The following SGMS1 variants were observed in gnomAD, a reference collection of about 807,000 sequenced individuals.
SGMS1 encodes the protein sphingomyelin synthase 1, also known as phosphatidylcholine:ceramide cholinephosphotransferase 1.
A neutral mutation model predicts 46.2 loss-of-function variants in SGMS1; 13 were observed. That is an observed-to-expected ratio of 0.28 (90% CI 0.18 to 0.45). The LOEUF is 0.45. SGMS1 is among the 20% of genes least tolerant of loss of function. The pLI is 1.00. For synonymous variants in SGMS1, 203 were observed against 187.8 expected, an observed-to-expected ratio of 1.08 and a Z score of -0.66; for missense variants, 324 against 519.9, an observed-to-expected ratio of 0.62 and a Z score of 3.66.
chr10:50,485,527 A>C (rs575565072), intron 3 of SGMS1, among the ~76,000 whole-genome samples: 28 of 152,342 alleles, frequency 1.8e-4, no homozygotes, highest in Non-Finnish European at 2.9e-4. Flanking sequence ...GACATTCTTC[A>C]CAGAATTAGG....
At chr10:50,614,931 G>A (rs1325479740) in intron 1 of SGMS1, among the ~76,000 whole-genome samples, 4 of 152,202 alleles carry the variant, frequency 2.6e-5, no homozygotes, top group African/African-American at 9.7e-5. Context: ...TTGGGTCAAG[G>A]ACTTAGAAAG....
intron 6 of SGMS1, among the ~76,000 whole-genome samples, chr10:50,429,179 C>T (rs1849367528): frequency 6.6e-6 from 1 of 152,148 alleles, no homozygotes; most frequent in Non-Finnish European, 1.5e-5. Context: ...CACACAAGCA[C>T]AGACAGGTAT....
intron 6 of SGMS1, among the ~76,000 whole-genome samples, chr10:50,353,703 C>T (rs990746382): frequency 1.6e-4 from 25 of 152,260 alleles, no homozygotes; most frequent in African/African-American, 5.3e-4. Context: ...TCGTCTCAGC[C>T]CAAAATCTCC....
chr10:50,575,887 A>C (rs1838380665), intron 2 of SGMS1, among the ~76,000 whole-genome samples: 1 of 151,930 alleles, frequency 6.6e-6, no homozygotes, highest in Admixed American at 6.6e-5. Context: ...GAAATAAAGG[A>C]AAGAAGTATA....
intron 8 of SGMS1, among the ~76,000 whole-genome samples, chr10:50,317,426 A>G (rs1275454363): frequency 6.6e-6 from 1 of 152,122 alleles, no homozygotes; most frequent in African/African-American, 2.4e-5. Flanking sequence ...CGTAGTTGTT[A>G]CTATGCCCAT....
intron 1 of SGMS1, among the ~76,000 whole-genome samples, chr10:50,591,879 A>C (rs1056577689): frequency 2.6e-5 from 4 of 152,258 alleles, no homozygotes; most frequent in African/African-American, 7.2e-5. Context: ...GCTAATCACC[A>C]GAATTCTGTA....
chr10:50,368,778 A>T (rs560395949), intron 6 of SGMS1, among the ~76,000 whole-genome samples: 1 of 152,266 alleles, frequency 6.6e-6, no homozygotes, highest in Non-Finnish European at 1.5e-5. Context: ...AAATTATGTA[A>T]GTTTTCAAAT....
At chr10:50,471,270 A>C (rs1279304495) in intron 3 of SGMS1, among the ~76,000 whole-genome samples, 1 of 152,236 alleles carries the variant, frequency 6.6e-6, no homozygotes, top group East Asian at 1.9e-4. Flanking sequence ...TTATCCCTTC[A>C]TTCGGCAAAC....
At chr10:50,540,037 A>G (rs1838038296) in intron 2 of SGMS1, among the ~76,000 whole-genome samples, 1 of 152,188 alleles carries the variant, frequency 6.6e-6, no homozygotes, top group Non-Finnish European at 1.5e-5. Context: ...ATGCTCTACT[A>G]ATTTTTCAGT....
At chr10:50,529,372 T>C (rs994955745) in intron 2 of SGMS1, among the ~76,000 whole-genome samples, 6 of 152,218 alleles carry the variant, frequency 3.9e-5, no homozygotes, top group Non-Finnish European at 5.9e-5. Flanking sequence ...GAGACCACTG[T>C]ATCCTTACCA....
intron 3 of SGMS1, among the ~76,000 whole-genome samples, chr10:50,482,647 A>G (rs1230105142): frequency 6.6e-6 from 1 of 152,188 alleles, no homozygotes; most frequent in Non-Finnish European, 1.5e-5. Flanking sequence ...CAAGTCTGCA[A>G]AATAACCAGC....
At chr10:50,549,997 G>A (rs550710617) in intron 2 of SGMS1, among the ~76,000 whole-genome samples, 4 of 152,152 alleles carry the variant, frequency 2.6e-5, no homozygotes, top group African/African-American at 4.8e-5. Flanking sequence ...AAAGTTCAAC[G>A]GGAAATAATT....
intron 1 of SGMS1, among the ~76,000 whole-genome samples, chr10:50,600,548 C>G (rs1273743061): frequency 6.6e-6 from 1 of 152,208 alleles, no homozygotes; most frequent in African/African-American, 2.4e-5. Context: ...CACATCCCAG[C>G]TGCCTCTTTC....
intron 6 of SGMS1, among the ~76,000 whole-genome samples, chr10:50,380,105 G>T (rs1365798864): frequency 6.6e-6 from 1 of 152,138 alleles, no homozygotes; most frequent in African/African-American, 2.4e-5. Flanking sequence ...CCTTGGCTGG[G>T]CACAGTGGCT....
intron 1 of SGMS1, among the ~76,000 whole-genome samples, chr10:50,595,922 T>A (rs888785010): frequency 1.3e-5 from 2 of 152,118 alleles, no homozygotes; most frequent in Non-Finnish European, 2.9e-5. Context: ...AGGCACAATG[T>A]TTTCCTCTGC....
At chr10:50,624,250 C>T, upstream of SGMS1, 1 of 447,788 alleles carries the variant, frequency 2.2e-6, no homozygotes. Flanking sequence ...GACGGTAAAT[C>T]CCTTGGGGCA....
chr10:50,556,880 G>T (rs1489886615), intron 2 of SGMS1, among the ~76,000 whole-genome samples: 1 of 152,182 alleles, frequency 6.6e-6, no homozygotes, highest in Non-Finnish European at 1.5e-5. Context: ...TAAAGGTTAA[G>T]GCCAACATTT....
At chr10:50,418,198 G>C (rs1849203923) in intron 6 of SGMS1, 1 of 152,250 alleles carries the variant, frequency 6.6e-6, no homozygotes, top group East Asian at 1.9e-4. Context: ...GCGGCGCGCA[G>C]ACCCCGGGCG....
chr10:50,327,091 G>A, intron 8 of SGMS1, 114 bp downstream of exon 8: 1 of 632,272 alleles, frequency 1.6e-6, no homozygotes, highest in South Asian at 2.1e-5. Flanking sequence ...TTCTCAGATA[G>A]AGGAGTGACT....
Sources: gnomAD v4.1 joint callset for allele counts (sites outside exome capture counted in the v4.1 genomes callset) on GRCh38, gnomAD v4.1.1 for gene constraint, MANE v1.5 for transcripts, NCBI Gene and HGNC (gene_info 2026-07-23, HGNC 2026-07-21) for gene names.